Variants in FHL5 observed in about 807,000 individuals in gnomAD.
FHL5 encodes four and a half LIM domains protein 5.
FHL5 carries 33 observed loss-of-function variants against 32.0 expected under a neutral mutation model. The ratio of observed to expected loss-of-function variants is 1.03; its 90% CI spans 0.78 to 1.38. FHL5 has a LOEUF of 1.38. Among genes scored for constraint, FHL5 ranks in the 40% most tolerant of loss-of-function variants. FHL5 has a pLI of 0.00. For synonymous variants in FHL5, 114 were observed against 113.6 expected, an observed-to-expected ratio of 1.00 and a Z score of -0.02; for missense variants, 336 against 343.9, an observed-to-expected ratio of 0.98 and a Z score of 0.18.
chr6:96,568,406 T>C (rs1002300794), intron 1 of FHL5, among the ~76,000 whole-genome samples: 4 of 151,906 alleles, frequency 2.6e-5, no homozygotes, highest in Admixed American at 1.3e-4. Flanking sequence ...ATCATGTTCA[T>C]TGGCTTATAG....
At chr6:96,590,169 G>T (rs1041075920) in intron 1 of FHL5, among the ~76,000 whole-genome samples, 3 of 151,870 alleles carry the variant, frequency 2.0e-5, no homozygotes, top group Non-Finnish European at 4.4e-5. Context: ...ATAAGTTATG[G>T]AATTAGCTTG....
chr6:96,597,374 A>AC (rs34852940), intron 1 of FHL5, among the ~76,000 whole-genome samples: 61,818 of 151,832 alleles, frequency 0.41, 13,270 homozygotes, highest in African/African-American at 0.56. Context: ...ACACAAAAAA[A>AC]ATCACATTTT....
intron 4 of FHL5, among the ~76,000 whole-genome samples, chr6:96,608,316 T>C (rs1351903951): frequency 1.3e-5 from 2 of 152,188 alleles, no homozygotes; most frequent in African/African-American, 2.4e-5. Context: ...TTTGAAGTCA[T>C]CAAAAATTTA....
At position 96,618,382 on chromosome 6, in the gene FHL5, A is replaced by G. The variant is rs996064985; in HGVS notation, c.*2610A>G. On this transcript the variant is annotated 3_prime_UTR_variant, in exon 6 of 6. Coordinates refer to ENST00000450218, the MANE Select transcript of FHL5 (RefSeq NM_001322466.2). ...AGAGACTGCCGAAGAGCAGGAGAAA[A>G]TAAGATTGCTAAAAGAGAAAGAGTC... 6.6e-6 allele frequency among the ~76,000 whole-genome samples: 1 copy of G among 152,236 alleles called. No individual in the cohort carries two copies. The highest frequency in any genetic ancestry group is 1.5e-5 in the Non-Finnish European group (1 of 68,042).
At chr6:96,567,825 C>CTTTTTTTTTTTTTTTTTTTTTTTTTT (rs757441385) in intron 1 of FHL5, among the ~76,000 whole-genome samples, 1 of 110,518 alleles carries the variant, frequency 9.0e-6, no homozygotes, top group Non-Finnish European at 1.8e-5. Context: ...TTTTTGTATT[C>CTTTTTTTTTTTTTTTTTTTTTTTTTT]TTTTTTTTTT....
chr6:96,614,162 G>C (rs1301386333), intron 5 of FHL5, among the ~76,000 whole-genome samples: 1 of 152,140 alleles, frequency 6.6e-6, no homozygotes, highest in Non-Finnish European at 1.5e-5. Flanking sequence ...CGGAAGAATT[G>C]CTTTTATATT....
intron 1 of FHL5, among the ~76,000 whole-genome samples, chr6:96,599,904 T>G (rs1771114766): frequency 6.6e-6 from 1 of 152,186 alleles, no homozygotes. Context: ...AAGCAAAAAT[T>G]TTCCAATATC....
chr6:96,590,066 C>A (rs1265467766), intron 1 of FHL5, among the ~76,000 whole-genome samples: 5 of 151,916 alleles, frequency 3.3e-5, no homozygotes, highest in Non-Finnish European at 5.9e-5. Flanking sequence ...ACTATAGTAG[C>A]TTTATAATGT....
rs141043342 is a variant in FHL5, at chr6:96,566,535, A to G, written c.-13+3180A>G. On this transcript the variant is annotated intron_variant, in intron 1 of 5. Coordinates refer to ENST00000450218, the MANE Select transcript of FHL5 (RefSeq NM_001322466.2). ...ATATACCCAGTAGTGGGATTGTTGG[A>G]TCATACGGTAGTTCTATTTTTAATT... 2.0e-4 allele frequency among the ~76,000 whole-genome samples: 30 copies of G among 152,086 alleles called. 1 individual carries two copies. In the East Asian group the frequency reaches 5.8e-3, roughly 29 times the overall value.
intron 1 of FHL5, among the ~76,000 whole-genome samples, chr6:96,588,965 T>A (rs1209210406): frequency 2.6e-5 from 4 of 152,062 alleles, no homozygotes; most frequent in Non-Finnish European, 5.9e-5. Flanking sequence ...GATCATAAGA[T>A]CATAGAAATT....
intron 1 of FHL5, among the ~76,000 whole-genome samples, chr6:96,597,471 T>C (rs1379771265): frequency 6.6e-6 from 1 of 152,168 alleles, no homozygotes; most frequent in Non-Finnish European, 1.5e-5. Context: ...TATCTATCTT[T>C]AATCCCTTCT....
intron 1 of FHL5, among the ~76,000 whole-genome samples, chr6:96,586,076 G>T (rs1390705961): frequency 6.6e-6 from 1 of 152,168 alleles, no homozygotes; most frequent in African/African-American, 2.4e-5. Context: ...TCCCTCTGTT[G>T]CATCTACAAT....
intron 5 of FHL5, among the ~76,000 whole-genome samples, chr6:96,611,061 C>G (rs1248112177): frequency 1.3e-5 from 2 of 152,134 alleles, no homozygotes; most frequent in East Asian, 3.9e-4. Context: ...TTAGTGCAGG[C>G]CTTCACGAGG....
chr6:96,573,334 T>C (rs561498748), intron 1 of FHL5, among the ~76,000 whole-genome samples: 35 of 152,242 alleles, frequency 2.3e-4, no homozygotes, highest in Non-Finnish European at 4.4e-4. Context: ...TAAGCTTTTT[T>C]GTCACATAAA....
chr6:96,587,907 C>A (rs1202259982), intron 1 of FHL5, among the ~76,000 whole-genome samples: 1 of 152,130 alleles, frequency 6.6e-6, no homozygotes, highest in East Asian at 1.9e-4. Context: ...ACCTGTAAGT[C>A]ATCTGTTTTT....
At chr6:96,614,216 T>A (rs188501960) in intron 5 of FHL5, among the ~76,000 whole-genome samples, 125 of 151,890 alleles carry the variant, frequency 8.2e-4, no homozygotes, top group African/African-American at 3.0e-3. Context: ...GAAAAACTCA[T>A]GAGCATCAAA....
rs545518143 is a variant in FHL5, at chr6:96,613,507, C to T, written c.692-2102C>T. 7.9e-5 allele frequency among the ~76,000 whole-genome samples: 12 copies of T among 152,320 alleles called. No individual in the cohort carries two copies. In the East Asian group the frequency reaches 1.2e-3, roughly 15 times the overall value. ...CTGCTGTGTCACCATGGGTGACTAA[C>T]TCACCTCAGGGGTGGGGGGCCTTCA... On this transcript the variant is annotated intron_variant, in intron 5 of 5. Transcript: ENST00000450218.
intron 1 of FHL5, among the ~76,000 whole-genome samples, chr6:96,573,583 G>A (rs867369338): frequency 1.4e-4 from 20 of 141,680 alleles, no homozygotes; most frequent in East Asian, 2.1e-4. Flanking sequence ...GTGCAGTGGC[G>A]CAATCTCGGC....
At chr6:96,602,334 T>C (rs768843537) in intron 1 of FHL5, among the ~76,000 whole-genome samples, 1 of 151,276 alleles carries the variant, frequency 6.6e-6, no homozygotes, top group Non-Finnish European at 1.5e-5. Flanking sequence ...AATCTCATTT[T>C]CCAAGGAAAA....
Sources: gnomAD v4.1 joint callset for allele counts (sites outside exome capture counted in the v4.1 genomes callset) on GRCh38, gnomAD v4.1.1 for gene constraint, MANE v1.5 for transcripts, NCBI Gene and HGNC (gene_info 2026-07-23, HGNC 2026-07-21) for gene names.